Variants in PBX1 observed in about 807,000 individuals in gnomAD.
PBX1 encodes pre-B-cell leukemia transcription factor 1.
In PBX1, 6 loss-of-function variants were observed where a neutral mutation model predicts 53.4. The ratio of observed to expected loss-of-function variants is 0.11; its 90% confidence interval spans 0.06 to 0.22. The LOEUF is 0.22. Ranked by LOEUF, PBX1 falls within the 10% of genes least tolerant of loss-of-function variation. PBX1 has a pLI of 1.00. For synonymous variants in PBX1, 204 were observed against 212.3 expected, an observed-to-expected ratio of 0.96 and a Z score of 0.34; for missense variants, 251 against 551.4, an observed-to-expected ratio of 0.46 and a Z score of 5.46.
chr1:164,794,352 C>T (rs1668685011), intron 3 of PBX1, among the ~76,000 whole-genome samples: 1 of 152,124 alleles, frequency 6.6e-6, no homozygotes, highest in African/African-American at 2.4e-5. Flanking sequence ...CATTACTGCA[C>T]TCCTATCTAC....
At chr1:164,819,981 C>A in intron 6 of PBX1, 91 bp from the exon 7 acceptor site, 2 of 723,898 alleles carry the variant, frequency 2.8e-6, no homozygotes, top group Non-Finnish European at 4.9e-6. Context: ...GGGGGGGTTG[C>A]TTTGCATGTC....
rs1671829577 is a variant in PBX1 at position 164,851,302 on chromosome 1, A to G, written c.*4626A>G. 1 of 205,466 alleles carries G rather than the reference A, an allele frequency of 4.9e-6. No individual in the cohort carries two copies. Among genetic ancestry groups the G allele is most frequent in the Non-Finnish European group, 1.0e-5 (1 of 100,458 alleles). The allele number at this position is 205,466 out of a possible 1,614,324, so 12.7% of individuals were successfully genotyped here. A position where few individuals can be genotyped will look rare whatever the true frequency, so the allele number is the denominator to read the frequency against. On this transcript the variant is annotated 3_prime_UTR_variant, in exon 9 of 9. Transcript: ENST00000420696. ...AGAAAGTGGTCAGAACTTAAGCAAG[A>G]AAAGTAAAGAAAGAATGCAGAATTG...
chr1:164,613,253 G>A (rs16833187), intron 2 of PBX1, among the ~76,000 whole-genome samples: 4,579 of 152,190 alleles, frequency 0.03, 200 homozygotes, highest in African/African-American at 0.097. Flanking sequence ...ATCCCTGTAA[G>A]ACAAAGCATC....
At chr1:164,620,191 A>C (rs2101849843) in intron 2 of PBX1, among the ~76,000 whole-genome samples, 1 of 152,232 alleles carries the variant, frequency 6.6e-6, no homozygotes, top group South Asian at 2.1e-4. Context: ...AACCAGCAAA[A>C]CCAGCAAATC....
chr1:164,721,062 C>T (rs1164916200), intron 2 of PBX1, among the ~76,000 whole-genome samples: 1 of 152,098 alleles, frequency 6.6e-6, no homozygotes, highest in Non-Finnish European at 1.5e-5. Context: ...AGAAGATGGC[C>T]GAGCAAGCAA....
chr1:164,748,438 G>A (rs1666018079), intron 2 of PBX1, among the ~76,000 whole-genome samples: 1 of 152,142 alleles, frequency 6.6e-6, no homozygotes, highest in Admixed American at 6.5e-5. Context: ...TCTGATTCCT[G>A]CCGGCTTTGT....
At chr1:164,621,815 C>T (rs1012644704) in intron 2 of PBX1, among the ~76,000 whole-genome samples, 5 of 151,988 alleles carry the variant, frequency 3.3e-5, no homozygotes, top group Admixed American at 6.6e-5. Context: ...GTCTGCCCAT[C>T]GAATAGGCAT....
chr1:164,812,109 T>C lies in PBX1; in HGVS notation c.957T>C (p.His319=). Residue 319 remains histidine (H), a synonymous_variant, in exon 6 of 9, where the codon CAT becomes CAC. Coordinates refer to ENST00000420696, the MANE Select transcript of PBX1 (RefSeq NM_002585.4). ...TAVTATNVSA[H]GSQANSPSTP... is the part of the protein sequence containing the mutation. ...TCACTGCTACCAATGTGTCAGCCCA[T>C]GGAAGCCAAGCTAACTCGCCCTCAA... is the stretch of plus-strand genomic sequence containing the variant. 1 of 1,613,744 alleles carries C rather than the reference T, an allele frequency of 6.2e-7. No individual in the cohort carries two copies. Among genetic ancestry groups the C allele is most frequent in the South Asian group, 1.1e-5 (1 of 90,974 alleles).
intron 3 of PBX1, among the ~76,000 whole-genome samples, chr1:164,794,604 C>T (rs964459698): frequency 1.3e-5 from 2 of 152,194 alleles, no homozygotes; most frequent in African/African-American, 4.8e-5. Flanking sequence ...CAATGCTGAG[C>T]TCAGAGAGCT....
In PBX1 at chr1:164,698,620, A is replaced by T. The variant is rs189731118; in HGVS notation, c.266-93874A>T. ...GCTAGCAGAGGATATCTGTGTAGCC[A>T]AACTAAGGGCCCATGTACTTAAGTT... is the stretch of plus-strand genomic sequence containing the variant. On this transcript the variant is annotated intron_variant, in intron 2 of 8. Transcript: ENST00000420696. Among the ~76,000 whole-genome samples, 238 of 152,258 alleles carry T rather than the reference A, an allele frequency of 1.6e-3. 4 individuals are homozygous for T. The highest frequency in any genetic ancestry group is 0.012 in the East Asian group (61 of 5,166).
chr1:164,722,603 C>A (rs967122311), intron 2 of PBX1, among the ~76,000 whole-genome samples: 35 of 152,272 alleles, frequency 2.3e-4, no homozygotes, highest in African/African-American at 8.4e-4. Context: ...ATGTTTGGAT[C>A]TCTCTCCCTC....
chr1:164,868,990 C>A (rs1429911725), intron 2 of PBX1, among the ~76,000 whole-genome samples: 1 of 152,188 alleles, frequency 6.6e-6, no homozygotes, highest in Non-Finnish European at 1.5e-5. Context: ...TTTCTCCCGG[C>A]CTTTGGCAGA....
chr1:164,729,226 C>T (rs1664854996), intron 2 of PBX1, among the ~76,000 whole-genome samples: 1 of 152,114 alleles, frequency 6.6e-6, no homozygotes, highest in Admixed American at 6.5e-5. Context: ...TCTTAGACTG[C>T]CTGCATCAAA....
Position 164,776,975 on chromosome 1 carries a change from GA to G in PBX1, c.266-15518del, listed in dbSNP as rs1558001582. 5.5e-4 allele frequency among the ~76,000 whole-genome samples: 60 copies of G among 108,398 alleles called. 3 individuals carry two copies. Among genetic ancestry groups the G allele is most frequent in the African/African-American group, 2.3e-3 (51 of 21,814 alleles). 71.1% of individuals were successfully genotyped at this position (108,398 alleles called of 152,430 possible). A position where few individuals can be genotyped will look rare whatever the true frequency, so the allele number is the denominator to read the frequency against. ...AGAGAGAGAGAGAGAGAGAGAGAGA[GA>G]GAGGAGGTGTGGGGGGGCGGGGGGC... On this transcript the variant is annotated intron_variant, in intron 2 of 8. Transcript: ENST00000420696.
At chr1:164,733,494 A>G (rs1665108937) in intron 2 of PBX1, among the ~76,000 whole-genome samples, 1 of 152,198 alleles carries the variant, frequency 6.6e-6, no homozygotes, top group South Asian at 2.1e-4. Flanking sequence ...TTTTAAAAAA[A>G]TCATAGGACT....
At chr1:164,701,537 A>G (rs1663120673) in intron 2 of PBX1, among the ~76,000 whole-genome samples, 1 of 152,242 alleles carries the variant, frequency 6.6e-6, no homozygotes, top group South Asian at 2.1e-4. Flanking sequence ...AGGAATCTGT[A>G]TTTCACAAAC....
At chr1:164,754,389 G>C (rs1438327466) in intron 2 of PBX1, among the ~76,000 whole-genome samples, 1 of 152,186 alleles carries the variant, frequency 6.6e-6, no homozygotes, top group African/African-American at 2.4e-5. Context: ...ATTTCTGTCA[G>C]ATACATCACA....
chr1:164,886,009 T>C (rs915960912), intron 2 of PBX1, among the ~76,000 whole-genome samples: 3 of 151,516 alleles, frequency 2.0e-5, no homozygotes, highest in Non-Finnish European at 4.4e-5. Context: ...GTTTCTAGAA[T>C]GATTTAGGTG....
At chr1:164,846,334 T>C (rs1389740912) in intron 8 of PBX1, among the ~76,000 whole-genome samples, 1 of 152,128 alleles carries the variant, frequency 6.6e-6, no homozygotes, top group Non-Finnish European at 1.5e-5. Flanking sequence ...ACAGAGTCTT[T>C]GGGAAGTATA....
Sources: gnomAD v4.1 joint callset for allele counts (sites outside exome capture counted in the v4.1 genomes callset) on GRCh38, gnomAD v4.1.1 for gene constraint, MANE v1.5 for transcripts, NCBI Gene and HGNC (gene_info 2026-07-23, HGNC 2026-07-21) for gene names.